HHAT: variants seen among roughly 807,000 people sequenced by gnomAD.
HHAT encodes the protein protein-cysteine N-palmitoyltransferase HHAT.
HHAT carries 47 observed loss-of-function variants against 70.8 expected under a neutral mutation model. The observed-to-expected ratio is 0.66, with a 90% CI of 0.53 to 0.85. The LOEUF (loss-of-function observed/expected upper bound fraction) is 0.85, where lower values mean the gene tolerates loss of function less well. HHAT is among the 40% of genes least tolerant of loss of function. HHAT has a pLI of 0.00. For synonymous variants in HHAT, 228 were observed against 247.6 expected (o/e 0.92, Z 0.74); for missense variants, 609 against 604.8 (o/e 1.01, Z -0.07).
intron 8 of HHAT, among the ~76,000 whole-genome samples, chr1:210,503,677 C>T (rs7550888): frequency 0.19 from 29,527 of 152,054 alleles, 3,787 homozygotes; most frequent in Non-Finnish European, 0.28. Flanking sequence ...TTATCCACAC[C>T]GGGTAGTGTC....
intron 8 of HHAT, among the ~76,000 whole-genome samples, chr1:210,484,097 A>G (rs1048764096): frequency 4.6e-5 from 7 of 152,196 alleles, no homozygotes; most frequent in Non-Finnish European, 8.8e-5. Flanking sequence ...CTGATTTTCC[A>G]CCTGCAGATT....
At chr1:210,482,651 C>T (rs575539667) in intron 8 of HHAT, among the ~76,000 whole-genome samples, 3 of 152,158 alleles carry the variant, frequency 2.0e-5, no homozygotes, top group South Asian at 2.1e-4. Flanking sequence ...ATATTTGTAT[C>T]GAAGTAGAGA....
chr1:210,576,323 T>C (rs948532294), intron 9 of HHAT, among the ~76,000 whole-genome samples: 1 of 152,090 alleles, frequency 6.6e-6, no homozygotes, highest in Non-Finnish European at 1.5e-5. Context: ...CACATATTAA[T>C]GTGTACAATT....
At chr1:210,615,827 T>G (rs1667591427) in intron 10 of HHAT, among the ~76,000 whole-genome samples, 1 of 152,204 alleles carries the variant, frequency 6.6e-6, no homozygotes, top group Non-Finnish European at 1.5e-5. Flanking sequence ...CCTGGCCGTG[T>G]GAGGTGTCAG....
chr1:210,399,946 G>GT (rs1360601257), intron 4 of HHAT, among the ~76,000 whole-genome samples: 8 of 152,090 alleles, frequency 5.3e-5, no homozygotes, highest in African/African-American at 1.9e-4. Context: ...AATCAAAAAT[G>GT]CAAAAAAACC....
chr1:210,655,418 A>T (rs1334282113), intron 11 of HHAT, among the ~76,000 whole-genome samples: 1 of 152,214 alleles, frequency 6.6e-6, no homozygotes, highest in East Asian at 1.9e-4. Context: ...TTCTGAGCAG[A>T]TCAGCCAGTG....
intron 9 of HHAT, among the ~76,000 whole-genome samples, chr1:210,518,904 G>A (rs1362793958): frequency 1.3e-5 from 2 of 152,196 alleles, no homozygotes; most frequent in East Asian, 1.9e-4. Context: ...TTATTAGAAA[G>A]AGAAATGTTA....
chr1:210,411,319 G>A (rs576989247), intron 6 of HHAT, among the ~76,000 whole-genome samples: 11 of 152,310 alleles, frequency 7.2e-5, no homozygotes, highest in Non-Finnish European at 1.3e-4. Context: ...CTTTGGGTAG[G>A]TTATGCTGAA....
chr1:210,385,686 T>A (rs946142368), intron 3 of HHAT, among the ~76,000 whole-genome samples: 1 of 152,150 alleles, frequency 6.6e-6, no homozygotes, highest in African/African-American at 2.4e-5. Flanking sequence ...TTTGAAGAAA[T>A]GGGAAAACTT....
At chr1:210,629,842 T>C (rs1052128784) in intron 11 of HHAT, among the ~76,000 whole-genome samples, 5 of 145,446 alleles carry the variant, frequency 3.4e-5, no homozygotes, top group Non-Finnish European at 6.1e-5. Flanking sequence ...TTTTTTGTTT[T>C]TTGTTTTTTG....
At position 210,595,468 on chromosome 1, in the gene HHAT, TG is replaced by T. The variant is rs1408622174; in HGVS notation, c.1245+7372del. Among the ~76,000 whole-genome samples, 270 of 152,370 alleles carry T rather than the reference TG, an allele frequency of 1.8e-3. 1 individual carries two copies. The highest frequency in any genetic ancestry group is 2.8e-4 in the Non-Finnish European group (19 of 68,034). On this transcript the variant is annotated intron_variant, in intron 10 of 11. Transcript: ENST00000261458. ...TATAGCAGCATGACTTATAATCCTT[TG>T]GGTATATACCCAGTAATGGGATGGC...
intron 10 of HHAT, among the ~76,000 whole-genome samples, chr1:210,591,792 G>A (rs1661768565): frequency 6.6e-6 from 1 of 151,984 alleles, no homozygotes; most frequent in African/African-American, 2.4e-5. Context: ...TTAGTGTTGA[G>A]CACTTTTTCA....
intron 11 of HHAT, among the ~76,000 whole-genome samples, chr1:210,661,003 A>G (rs1677579346): frequency 6.6e-6 from 1 of 152,206 alleles, no homozygotes; most frequent in South Asian, 2.1e-4. Context: ...GGACATAGGC[A>G]TGGGCAAGGA....
intron 8 of HHAT, among the ~76,000 whole-genome samples, chr1:210,512,108 C>T (rs1304028613): frequency 6.6e-6 from 1 of 152,138 alleles, no homozygotes. Flanking sequence ...AAAGGGTCTG[C>T]CATAGCCCAG....
chr1:210,418,077 T>C, intron 6 of HHAT, 77 bp from the exon 7 acceptor site: 9 of 1,406,428 alleles, frequency 6.4e-6, no homozygotes, highest in South Asian at 1.2e-5. Flanking sequence ...TTGTGGGAAG[T>C]TTATGAAAAA....
At chr1:210,353,515 T>A (rs930334970) in intron 2 of HHAT, among the ~76,000 whole-genome samples, 23 of 151,888 alleles carry the variant, frequency 1.5e-4, no homozygotes, top group African/African-American at 4.8e-4. Flanking sequence ...TATTCGTTCT[T>A]ATTTAAATGT....
intron 11 of HHAT, among the ~76,000 whole-genome samples, chr1:210,664,394 A>G (rs889594931): frequency 2.6e-5 from 4 of 152,224 alleles, no homozygotes; most frequent in African/African-American, 9.6e-5. Flanking sequence ...TGTCAGTGCC[A>G]GCTCAGTGAA....
chr1:210,419,030 C>T (rs2148276729), intron 7 of HHAT, among the ~76,000 whole-genome samples: 1 of 152,054 alleles, frequency 6.6e-6, no homozygotes, highest in South Asian at 2.1e-4. Context: ...ATGACTCTGT[C>T]TCAAAAAAAG....
At chr1:210,410,760 A>T (rs181075047) in intron 6 of HHAT, among the ~76,000 whole-genome samples, 6 of 149,444 alleles carry the variant, frequency 4.0e-5, no homozygotes, top group Admixed American at 2.7e-4. Context: ...TCCTGACCTC[A>T]AGTGATCCGC....
Sources: gnomAD v4.1 joint callset for allele counts (sites outside exome capture counted in the v4.1 genomes callset) on GRCh38, gnomAD v4.1.1 for gene constraint, MANE v1.5 for transcripts, NCBI Gene and HGNC (gene_info 2026-07-23, HGNC 2026-07-21) for gene names.